DDX60L: variants seen among roughly 807,000 people sequenced by gnomAD.
The protein encoded by DDX60L is DExD/H-box 60 like, also known as probable ATP-dependent RNA helicase DDX60-like.
In DDX60L, 191 loss-of-function variants were observed where a neutral mutation model predicts 211.6. That is an observed-to-expected ratio of 0.90 (90% CI 0.80 to 1.02). The LOEUF (loss-of-function observed/expected upper bound fraction) is 1.02. DDX60L is among the 50% of genes least tolerant of loss of function. The pLI is 0.00. For synonymous variants in DDX60L, 706 were observed against 694.1 expected (o/e 1.02, Z -0.27); for missense variants, 2,007 against 1,984.1 (o/e 1.01, Z -0.22).
At chr4:168,430,965 G>A (rs539916126) in intron 12 of DDX60L, among the ~76,000 whole-genome samples, 1 of 152,076 alleles carries the variant, frequency 6.6e-6, no homozygotes. Flanking sequence ...AATCTGATGA[G>A]TACATTTTTT....
chr4:168,398,329 G>A (rs928539344), intron 26 of DDX60L, among the ~76,000 whole-genome samples: 14 of 152,210 alleles, frequency 9.2e-5, no homozygotes, highest in South Asian at 4.1e-4. Flanking sequence ...GTGTGTGCAC[G>A]CTCAGGACAG....
At chr4:168,448,178 G>A (rs945729292) in intron 9 of DDX60L, among the ~76,000 whole-genome samples, 13 of 152,156 alleles carry the variant, frequency 8.5e-5, no homozygotes, top group East Asian at 1.9e-4. Flanking sequence ...AATAATGTTC[G>A]TTCAGGAAAA....
chr4:168,404,580 T>C (rs62334118), intron 24 of DDX60L, among the ~76,000 whole-genome samples: 16,756 of 152,186 alleles, frequency 0.11, 1,269 homozygotes, highest in Admixed American at 0.15. Context: ...ATGTTTATAA[T>C]GCTTAACTGA....
intron 34 of DDX60L, 67 bp from the exon 35 acceptor site, chr4:168,373,875 C>T (rs1390715851): frequency 1.3e-6 from 2 of 1,525,520 alleles, no homozygotes; most frequent in Non-Finnish European, 1.8e-6. Context: ...CTTTCAAACT[C>T]ACTGTAGGTC....
intron 28 of DDX60L, among the ~76,000 whole-genome samples, chr4:168,393,123 T>C (rs1745136206): frequency 1.3e-5 from 2 of 152,110 alleles, no homozygotes; most frequent in South Asian, 4.1e-4. Context: ...CTGAGCAGAG[T>C]TGTTCACAAT....
chr4:168,422,748 C>T, intron 15 of DDX60L, 78 bp from the exon 16 acceptor site: 1 of 1,118,848 alleles, frequency 8.9e-7, no homozygotes, highest in Non-Finnish European at 1.3e-6. Flanking sequence ...CCACTGAGCA[C>T]ATTCTATGCA....
chr4:168,446,438 G>A (rs1754810148), intron 9 of DDX60L, among the ~76,000 whole-genome samples: 1 of 152,160 alleles, frequency 6.6e-6, no homozygotes, highest in Admixed American at 6.5e-5. Context: ...TCAATATTGT[G>A]AAAATGGCCA....
chr4:168,440,024 T>C (rs1327659460), intron 10 of DDX60L, among the ~76,000 whole-genome samples: 1 of 152,118 alleles, frequency 6.6e-6, no homozygotes, highest in African/African-American at 2.4e-5. Context: ...CAAACCACAA[T>C]GAGCTACCCC....
At chr4:168,358,951 C>G (rs1387158369) in intron 37 of DDX60L, among the ~76,000 whole-genome samples, 1 of 152,182 alleles carries the variant, frequency 6.6e-6, no homozygotes, top group African/African-American at 2.4e-5. Flanking sequence ...GCCATATGGA[C>G]TTCCTAATAT....
chr4:168,385,512 T>G (rs560368961), intron 29 of DDX60L, among the ~76,000 whole-genome samples: 1 of 152,312 alleles, frequency 6.6e-6, no homozygotes, highest in Non-Finnish European at 1.5e-5. Context: ...GAGGGGGTCA[T>G]GGGAACCCCA....
Position 168,415,745 on chromosome 4 carries a change from C to A in DDX60L, c.2781G>T (p.Glu927Asp). 6.3e-7 allele frequency: 1 copy of A among 1,594,618 alleles called. No individual in the cohort carries two copies. The highest frequency in any genetic ancestry group is 1.1e-5 in the South Asian group (1 of 88,074). The change falls in exon 21 of 38, where the codon GAG (glutamate) becomes GAT (aspartate). Residue 927 changes from glutamate (E) to aspartate (D), a missense_variant. Transcript: ENST00000682922. The stretch of plus-strand genomic sequence containing the variant: ...CAGCCTGTTTTTCAGAAATACATTT[C>A]TCTTCCATAATCTTGTCTGCCTGTT... ...YWKQADKIMEEKCISEKQADK... is the reference protein window; with the variant it reads ...YWKQADKIMEDKCISEKQADK...
chr4:168,371,489 TTA>T (rs1371747185), intron 36 of DDX60L, 121 bp downstream of exon 36: 2 of 337,110 alleles, frequency 5.9e-6, no homozygotes, highest in African/African-American at 2.2e-5. Flanking sequence ...TAATATAAAT[TTA>T]TGTTTATATA....
At chr4:168,420,836 T>A (rs533425615) in intron 17 of DDX60L, among the ~76,000 whole-genome samples, 1 of 152,276 alleles carries the variant, frequency 6.6e-6, no homozygotes, top group South Asian at 2.1e-4. Context: ...CCTGTGTTTG[T>A]CGGGATCCTT....
intron 9 of DDX60L, among the ~76,000 whole-genome samples, chr4:168,442,294 A>T (rs1753987863): frequency 6.6e-6 from 1 of 152,080 alleles, no homozygotes; most frequent in Non-Finnish European, 1.5e-5. Flanking sequence ...CACTTTTGCG[A>T]CGGGCTTAAA....
intron 32 of DDX60L, among the ~76,000 whole-genome samples, chr4:168,378,855 T>A (rs928195928): frequency 1.3e-5 from 2 of 152,146 alleles, no homozygotes; most frequent in Admixed American, 1.3e-4. Context: ...TCTCAACGGC[T>A]AATTGAAAAA....
intron 15 of DDX60L, 33 bp from the exon 16 acceptor site, chr4:168,422,703 T>TA: frequency 6.8e-7 from 1 of 1,462,826 alleles, no homozygotes; most frequent in Non-Finnish European, 9.3e-7. Context: ...GAAATCAACT[T>TA]AAACTTCAAA....
intron 30 of DDX60L, among the ~76,000 whole-genome samples, chr4:168,381,962 G>A (rs1376788662): frequency 6.6e-6 from 1 of 151,986 alleles, no homozygotes; most frequent in Non-Finnish European, 1.5e-5. Flanking sequence ...ACCAAGAATG[G>A]GGCCACTTTT....
chr4:168,386,761 C>T (rs3762855), intron 29 of DDX60L, among the ~76,000 whole-genome samples: 113,214 of 151,676 alleles, frequency 0.75, 43,527 homozygotes, highest in East Asian at 0.87. Flanking sequence ...CTGAAGATTA[C>T]GTGGTAGACA....
At chr4:168,420,173 G>A (rs936781660) in intron 18 of DDX60L, 88 bp downstream of exon 18, 1 of 1,093,486 alleles carries the variant, frequency 9.1e-7, no homozygotes, top group African/African-American at 1.6e-5. Flanking sequence ...TTTCTATAAG[G>A]GCTTGTGTTT....
Sources: gnomAD v4.1 joint callset for allele counts (sites outside exome capture counted in the v4.1 genomes callset) on GRCh38, gnomAD v4.1.1 for gene constraint, MANE v1.5 for transcripts, NCBI Gene and HGNC (gene_info 2026-07-23, HGNC 2026-07-21) for gene names.